EYS: variants seen among roughly 807,000 people sequenced by gnomAD.
The protein encoded by EYS is EGF-like photoreceptor maintenance factor.
Under a neutral mutation model 282.1 loss-of-function variants are expected in EYS, and 250 were observed. The observed-to-expected ratio is 0.89, with a 90% CI of 0.80 to 0.98. The LOEUF (loss-of-function observed/expected upper bound fraction) is 0.98. Ranked by LOEUF, EYS falls within the 50% of genes least tolerant of loss-of-function variation. The probability of loss-of-function intolerance (pLI) is 0.00; values close to 1 mark genes in which losing one functional copy is unlikely to be tolerated. For synonymous variants in EYS, 1,355 were observed against 1,282.9 expected (o/e 1.06, Z -1.20); for missense variants, 4,016 against 3,709.0 (o/e 1.08, Z -2.15).
At position 64,486,557 on chromosome 6, in the gene EYS, GA is replaced by G. The variant is rs111895329; in HGVS notation, c.5645-47206del. Among the ~76,000 whole-genome samples the G allele has an allele frequency of 3.7e-3, 562 of 151,498 alleles. 3 individuals carry two copies. The highest frequency in any genetic ancestry group is 0.013 in the African/African-American group (524 of 41,458). ...CACGGGCACAATTATTACAGTTGAT[GA>G]ATTGCTTGCACATTGGCAGAGCAGC... On this transcript the variant is annotated intron_variant, in intron 26 of 42. Transcript: ENST00000503581.
At chr6:63,882,727 T>C (rs1466448979) in intron 35 of EYS, among the ~76,000 whole-genome samples, 1 of 152,082 alleles carries the variant, frequency 6.6e-6, no homozygotes, top group African/African-American at 2.4e-5. Flanking sequence ...AGATAAATGG[T>C]TGGGGGAGAG....
At chr6:64,857,860 T>C (rs1033579400) in intron 19 of EYS, among the ~76,000 whole-genome samples, 1 of 152,182 alleles carries the variant, frequency 6.6e-6, no homozygotes, top group Non-Finnish European at 1.5e-5. Flanking sequence ...TTATTAGTGA[T>C]GTTGAGCATT....
chr6:65,318,412 G>A (rs1366795742), intron 11 of EYS, among the ~76,000 whole-genome samples: 1 of 150,232 alleles, frequency 6.7e-6, no homozygotes, highest in African/African-American at 2.4e-5. Flanking sequence ...TGTTCAAACA[G>A]ACTAACCCTG....
intron 31 of EYS, among the ~76,000 whole-genome samples, chr6:64,170,653 T>C (rs1764452064): frequency 6.7e-6 from 1 of 149,902 alleles, no homozygotes; most frequent in Admixed American, 6.7e-5. Flanking sequence ...CATCCTAATC[T>C]AGTATGACAT....
chr6:63,953,923 C>T (rs1765705401), intron 35 of EYS, among the ~76,000 whole-genome samples: 1 of 152,200 alleles, frequency 6.6e-6, no homozygotes, highest in African/African-American at 2.4e-5. Flanking sequence ...TGCCCTAATA[C>T]TTTTAGAGGC....
intron 26 of EYS, among the ~76,000 whole-genome samples, chr6:64,579,297 C>T (rs1477648661): frequency 6.6e-6 from 1 of 152,142 alleles, no homozygotes; most frequent in African/African-American, 2.4e-5. Flanking sequence ...AGCAGAACTT[C>T]ACTTCCTTCC....
intron 8 of EYS, among the ~76,000 whole-genome samples, chr6:65,364,779 C>A (rs1764851262): frequency 6.6e-6 from 1 of 151,662 alleles, no homozygotes; most frequent in African/African-American, 2.4e-5. Flanking sequence ...GTATTAAAAA[C>A]AAGTACTTGG....
At chr6:64,795,471 T>A (rs1044074495) in intron 22 of EYS, among the ~76,000 whole-genome samples, 1 of 152,208 alleles carries the variant, frequency 6.6e-6, no homozygotes, top group East Asian at 1.9e-4. Context: ...TTTCTACATA[T>A]CATGCCACAT....
chr6:64,891,650 C>A (rs180937071), intron 18 of EYS, among the ~76,000 whole-genome samples: 1 of 152,154 alleles, frequency 6.6e-6, no homozygotes. Flanking sequence ...CTAACCACCT[C>A]TAATAAGGCT....
At chr6:63,981,146 A>G (rs1353085702) in intron 35 of EYS, among the ~76,000 whole-genome samples, 1 of 151,690 alleles carries the variant, frequency 6.6e-6, no homozygotes, top group African/African-American at 2.4e-5. Context: ...GAAACTGCTT[A>G]TGGTCTCATT....
chr6:65,675,845 G>T (rs1158141499), intron 1 of EYS, among the ~76,000 whole-genome samples: 1 of 151,804 alleles, frequency 6.6e-6, no homozygotes, highest in Non-Finnish European at 1.5e-5. Context: ...TACATTGTAG[G>T]TTGCAACACA....
chr6:65,273,223 G>A (rs1767951602), intron 12 of EYS, among the ~76,000 whole-genome samples: 1 of 152,058 alleles, frequency 6.6e-6, no homozygotes, highest in Non-Finnish European at 1.5e-5. Context: ...CAACTACTTT[G>A]ACTATACAGT....
chr6:65,460,733 A>G (rs1356451739), intron 5 of EYS, among the ~76,000 whole-genome samples: 1 of 152,120 alleles, frequency 6.6e-6, no homozygotes, highest in African/African-American at 2.4e-5. Flanking sequence ...ATGGATTACT[A>G]CAAACAACAC....
At chr6:63,849,816 G>A (rs566171453) in intron 36 of EYS, among the ~76,000 whole-genome samples, 1 of 152,330 alleles carries the variant, frequency 6.6e-6, no homozygotes, top group South Asian at 2.1e-4. Flanking sequence ...AAAACTGGAT[G>A]GAGAATGAGT....
At chr6:65,057,417 T>C (rs903654102) in intron 13 of EYS, among the ~76,000 whole-genome samples, 197 bp downstream of exon 13, 2 of 152,140 alleles carry the variant, frequency 1.3e-5, no homozygotes, top group Non-Finnish European at 2.9e-5. Flanking sequence ...TCAACTATTT[T>C]AGTGTGTATG....
At chr6:64,673,403 A>T (rs1239053976) in intron 22 of EYS, among the ~76,000 whole-genome samples, 2 of 152,114 alleles carry the variant, frequency 1.3e-5, no homozygotes, top group African/African-American at 4.8e-5. Context: ...CTAAGAAGCA[A>T]CATGTTCAAT....
chr6:64,157,455 A>G lies in EYS; in HGVS notation c.6424+73137T>C, dbSNP rs528577235. ...CATAAGTGACAAGGAGCCAAATATT[A>G]ATCCCCAAGACAATGGGGAAAATGT... is the stretch of plus-strand genomic sequence containing the variant. On this transcript the variant is annotated intron_variant, in intron 31 of 42. Transcript: ENST00000503581. 6.6e-5 allele frequency among the ~76,000 whole-genome samples: 10 copies of G among 152,294 alleles called. No individual in the cohort carries two copies. The East Asian group carries it at 1.9e-3, about 29-fold the overall frequency.
intron 12 of EYS, among the ~76,000 whole-genome samples, chr6:65,268,566 G>C (rs1303193002): frequency 6.6e-6 from 1 of 152,016 alleles, no homozygotes; most frequent in Non-Finnish European, 1.5e-5. Context: ...TGAAGATAGG[G>C]AGAATAATAG....
At chr6:65,575,910 T>C (rs1261991432) in intron 2 of EYS, among the ~76,000 whole-genome samples, 1 of 151,930 alleles carries the variant, frequency 6.6e-6, no homozygotes, top group East Asian at 1.9e-4. Context: ...GAAAGTTTGA[T>C]CAAAACAACA....
Sources: gnomAD v4.1 joint callset for allele counts (sites outside exome capture counted in the v4.1 genomes callset) on GRCh38, gnomAD v4.1.1 for gene constraint, MANE v1.5 for transcripts, NCBI Gene and HGNC (gene_info 2026-07-23, HGNC 2026-07-21) for gene names.